MAST2: variants seen among roughly 807,000 people sequenced by gnomAD.
The protein encoded by MAST2 is microtubule-associated serine/threonine-protein kinase 2.
MAST2 carries 70 observed loss-of-function variants against 147.4 expected under a neutral mutation model. That is an observed-to-expected ratio of 0.47 (90% confidence interval 0.39 to 0.58). The LOEUF is 0.58. Ranked by LOEUF, MAST2 falls within the 20% of genes least tolerant of loss-of-function variation. The pLI, the probability that MAST2 is intolerant of heterozygous loss-of-function variation, is 0.00. For missense variants in MAST2, 2,080 were observed against 2,302.3 expected (o/e 0.90, Z 1.98); for synonymous variants, 869 against 896.8 (o/e 0.97, Z 0.55).
intron 5 of MAST2, among the ~76,000 whole-genome samples, chr1:45,965,509 G>C (rs997160481): frequency 2.6e-5 from 4 of 152,080 alleles, no homozygotes; most frequent in African/African-American, 9.6e-5. Flanking sequence ...GATCTTTGTT[G>C]GTTTAAAGTC....
Position 45,808,684 on chromosome 1 carries a change from A to G in MAST2, c.177+4612A>G, listed in dbSNP as rs572834938. ...TGCAGTATCTTAACTGTATTTACTC[A>G]GTCTTCAGTCTCTTAACCTCTAATA... On this transcript the variant is annotated intron_variant, in intron 1 of 28. Transcript: ENST00000361297. Among the ~76,000 whole-genome samples, 5 of 152,304 alleles carry G rather than the reference A, an allele frequency of 3.3e-5. No homozygotes were observed. In the East Asian group the frequency reaches 9.6e-4, roughly 29 times the overall value.
chr1:45,866,962 C>T (rs935201626), intron 3 of MAST2, among the ~76,000 whole-genome samples: 1 of 151,926 alleles, frequency 6.6e-6, no homozygotes, highest in Non-Finnish European at 1.5e-5. Context: ...TGTTGGCCAG[C>T]CGGGTCTCAA....
rs189369063 is a variant in MAST2 at position 45,952,729 on chromosome 1, C to T, written c.501-6657C>T. On this transcript the variant is annotated intron_variant, in intron 4 of 28. Coordinates refer to ENST00000361297, the MANE Select transcript of MAST2 (RefSeq NM_015112.3). The stretch of plus-strand genomic sequence containing the variant: ...GAACAAGACACTAGAATTATCCATA[C>T]TTGCTAAATTAGCAGTGGAAGTGAG... Among the ~76,000 whole-genome samples, 11 of 152,252 alleles carry T rather than the reference C, an allele frequency of 7.2e-5. No homozygotes were observed. In the East Asian group the frequency reaches 1.7e-3, roughly 24 times the overall value.
Position 46,030,670 on chromosome 1 carries a change from C to G in MAST2, c.2617C>G (p.Arg873Gly), listed in dbSNP as rs749351302. The G allele has an allele frequency of 4.3e-6, 7 of 1,611,316 alleles. No homozygotes were observed. The Admixed American group carries it at 1.2e-4, about 27-fold the overall frequency. The stretch of plus-strand genomic sequence containing the variant: ...GCGCCGGACACCACCCCCGACCAAG[C>G]GCAGCCTGAGTGAGGAGAAGGAGGA... ...EERRTPPPTK[R>G]SLSEEKEDHS... is the part of the protein sequence containing the mutation. The change falls in exon 22 of 29, where the codon CGC becomes GGC. Residue 873 changes from arginine to glycine, a missense_variant. Arg to Gly is a moderately radical substitution (Grantham distance 125). Around this residue, in one of 4 missense-constraint regions of MAST2, gnomAD observed 1,278 missense variants for 1,304.2 expected, o/e 0.98. Coordinates refer to ENST00000361297, the MANE Select transcript of MAST2 (RefSeq NM_015112.3).
intron 17 of MAST2, among the ~76,000 whole-genome samples, chr1:46,028,522 G>C (rs1243488648): frequency 6.6e-6 from 1 of 152,218 alleles, no homozygotes; most frequent in Non-Finnish European, 1.5e-5. Context: ...GCCAGAGGTG[G>C]GTGTTGAGGG....
intron 5 of MAST2, among the ~76,000 whole-genome samples, chr1:45,992,279 T>C (rs1451691782): frequency 1.3e-5 from 2 of 152,220 alleles, no homozygotes; most frequent in African/African-American, 4.8e-5. Flanking sequence ...AGTCAAGTGC[T>C]TTTTCTGTAT....
intron 3 of MAST2, among the ~76,000 whole-genome samples, chr1:45,835,064 G>T (rs907387445): frequency 6.6e-6 from 1 of 151,660 alleles, no homozygotes; most frequent in South Asian, 2.1e-4. Context: ...TATTGTATTT[G>T]TTTTTTAAAC....
chr1:45,825,119 G>A (rs192832971), intron 2 of MAST2, among the ~76,000 whole-genome samples: 1,733 of 151,530 alleles, frequency 0.011, 49 homozygotes, highest in African/African-American at 0.04. Context: ...TCCGCCTCCC[G>A]GATTCATGCC....
At chr1:46,003,511 A>C (rs1427906177) in intron 7 of MAST2, among the ~76,000 whole-genome samples, 1 of 151,670 alleles carries the variant, frequency 6.6e-6, no homozygotes, top group East Asian at 1.9e-4. Context: ...ACTGTCACCC[A>C]GGCTGGAGTG....
intron 1 of MAST2, among the ~76,000 whole-genome samples, chr1:45,819,228 G>A (rs372774624): frequency 5.0e-4 from 75 of 149,580 alleles, no homozygotes; most frequent in African/African-American, 1.8e-3. Context: ...ACTCCAGACT[G>A]GGCAACAAGA....
intron 4 of MAST2, among the ~76,000 whole-genome samples, chr1:45,950,661 G>A (rs1004453722): frequency 1.3e-5 from 2 of 152,056 alleles, no homozygotes; most frequent in African/African-American, 4.8e-5. Context: ...CTCAAATCAG[G>A]TATCATAGGA....
At chr1:45,927,577 C>T (rs1052766503) in intron 4 of MAST2, among the ~76,000 whole-genome samples, 2 of 152,184 alleles carry the variant, frequency 1.3e-5, no homozygotes, top group East Asian at 1.9e-4. Flanking sequence ...GACTCACCGG[C>T]GGTCAGAGTT....
At chr1:45,995,330 A>G (rs1179355791) in intron 5 of MAST2, among the ~76,000 whole-genome samples, 1 of 152,136 alleles carries the variant, frequency 6.6e-6, no homozygotes, top group Non-Finnish European at 1.5e-5. Context: ...TTGACTGGGT[A>G]TTCTTTGATG....
chr1:45,941,548 G>A (rs894651339), intron 4 of MAST2, among the ~76,000 whole-genome samples: 4 of 152,186 alleles, frequency 2.6e-5, no homozygotes, highest in Non-Finnish European at 4.4e-5. Flanking sequence ...GTGAGCTACC[G>A]TGCCTGGCCG....
At chr1:45,922,539 C>A (rs1221803838) in intron 4 of MAST2, among the ~76,000 whole-genome samples, 1 of 152,362 alleles carries the variant, frequency 6.6e-6, no homozygotes, top group East Asian at 1.9e-4. Context: ...TGTGCACACT[C>A]AGCTGGGCTG....
intron 18 of MAST2, chr1:46,029,218 T>A: frequency 1.8e-6 from 1 of 549,188 alleles, no homozygotes; most frequent in East Asian, 2.8e-5. Context: ...GAGGGGTACG[T>A]CTGTGTATGT....
intron 5 of MAST2, among the ~76,000 whole-genome samples, chr1:45,975,366 G>A (rs1644094131): frequency 6.6e-6 from 1 of 151,966 alleles, no homozygotes; most frequent in Admixed American, 6.6e-5. Flanking sequence ...ACAGTCCACA[G>A]CATTATAGTT....
chr1:45,914,328 G>A (rs1652131177), intron 4 of MAST2, among the ~76,000 whole-genome samples: 1 of 152,078 alleles, frequency 6.6e-6, no homozygotes, highest in Non-Finnish European at 1.5e-5. Flanking sequence ...TTCAAGCATG[G>A]GTCCTTTAGG....
intron 1 of MAST2, among the ~76,000 whole-genome samples, chr1:45,814,277 G>C (rs1457173008): frequency 1.3e-5 from 2 of 152,066 alleles, no homozygotes; most frequent in African/African-American, 4.8e-5. Flanking sequence ...TTCCAGGGAA[G>C]GCATTGTTAC....
Sources: allele counts gnomAD v4.1 joint callset (sites outside exome capture counted in the v4.1 genomes callset), GRCh38; gene constraint gnomAD v4.1.1; regional missense constraint gnomAD v4.1.1; transcripts MANE v1.5; gene names NCBI Gene and HGNC (gene_info 2026-07-23, HGNC 2026-07-21).